ANKIB1: variants seen among roughly 807,000 people sequenced by gnomAD.
ANKIB1 encodes ankyrin repeat and IBR domain-containing protein 1.
ANKIB1 carries 43 observed loss-of-function variants against 122.1 expected under a neutral mutation model. The ratio of observed to expected loss-of-function variants is 0.35; its 90% CI spans 0.28 to 0.45. ANKIB1 has a LOEUF of 0.45. Among genes scored for constraint, ANKIB1 ranks in the 20% least tolerant of loss-of-function variants. The pLI is 1.00. For missense variants in ANKIB1, 992 were observed against 1,329.5 expected, an observed-to-expected ratio of 0.75 and a Z score of 3.95; for synonymous variants, 390 against 442.0, an observed-to-expected ratio of 0.88 and a Z score of 1.48.
rs372686472 is a variant in ANKIB1, at chr7:92,254,197, G to A, written c.-91+7678G>A. Among the ~76,000 whole-genome samples, 4 of 152,294 alleles carry A rather than the reference G, an allele frequency of 2.6e-5. 1 individual carries two copies. ...ACAGGAACCAGAGATGAAAACAGCA[G>A]AGAAACTGCTAGCCAACCTACAGAG... On this transcript the variant is annotated intron_variant, in intron 1 of 19. Transcript: ENST00000265742.
At chr7:92,303,530 C>T (rs1802494830) in intron 2 of ANKIB1, among the ~76,000 whole-genome samples, 1 of 152,028 alleles carries the variant, frequency 6.6e-6, no homozygotes, top group African/African-American at 2.4e-5. Flanking sequence ...AGTGGATGGA[C>T]TCTCTGAAAG....
At chr7:92,283,727 A>C (rs1802056446) in intron 1 of ANKIB1, among the ~76,000 whole-genome samples, 3 of 152,184 alleles carry the variant, frequency 2.0e-5, no homozygotes, top group Non-Finnish European at 4.4e-5. Context: ...TTATTTTTTA[A>C]ATAAATTTAA....
chr7:92,342,885 C>G (rs1585116855), intron 5 of ANKIB1, 139 bp from the exon 6 acceptor site: 4 of 676,602 alleles, frequency 5.9e-6, no homozygotes, highest in East Asian at 5.4e-5. Context: ...CCTAGACATT[C>G]ATTTGCAGTT....
chr7:92,309,950 T>C (rs1345159416), intron 3 of ANKIB1, among the ~76,000 whole-genome samples: 2 of 129,710 alleles, frequency 1.5e-5, no homozygotes, highest in African/African-American at 5.7e-5. Context: ...AAAATATATA[T>C]ATATATATAT....
chr7:92,390,055 A>G lies in ANKIB1; in HGVS notation c.1991A>G (p.Tyr664Cys), dbSNP rs768832891. ...ACTCGGCGCATTCTCAAGTGTTCTTATCCATATGGATTTTTCTTGGAACCT... is the reference window on the plus strand; with the variant it reads ...ACTCGGCGCATTCTCAAGTGTTCTTGTCCATATGGATTTTTCTTGGAACCT... ...LKTRRILKCS[Y>C]PYGFFLEPKS... Residue 664 changes from tyrosine (Y) to cysteine (C), a missense_variant, in exon 15 of 20, where the codon TAT (tyrosine) becomes TGT (cysteine). Tyr to Cys is a radical substitution (Grantham distance 194). Transcript: ENST00000265742. 6.2e-7 allele frequency: 1 copy of G among 1,601,094 alleles called. No individual in the cohort carries two copies. Among genetic ancestry groups the G allele is most frequent in the South Asian group, 1.2e-5 (1 of 86,886 alleles).
intron 1 of ANKIB1, among the ~76,000 whole-genome samples, chr7:92,264,753 A>G (rs1801636198): frequency 6.6e-6 from 1 of 152,100 alleles, no homozygotes; most frequent in Non-Finnish European, 1.5e-5. Flanking sequence ...TAATGTGCCA[A>G]AATGCTAGGT....
chr7:92,315,487 A>G (rs1212143904), intron 3 of ANKIB1, among the ~76,000 whole-genome samples: 4 of 152,214 alleles, frequency 2.6e-5, no homozygotes, highest in African/African-American at 7.2e-5. Context: ...AGATAAAATA[A>G]CAGAGTTAAA....
intron 1 of ANKIB1, among the ~76,000 whole-genome samples, chr7:92,272,107 G>A (rs1036972052): frequency 1.3e-5 from 2 of 152,116 alleles, no homozygotes; most frequent in Non-Finnish European, 2.9e-5. Context: ...GGTGATGGTT[G>A]CACAACAATG....
chr7:92,383,473 A>C (rs543396863), intron 11 of ANKIB1, among the ~76,000 whole-genome samples: 1 of 152,240 alleles, frequency 6.6e-6, no homozygotes, highest in Non-Finnish European at 1.5e-5. Context: ...CCTGATGAAC[A>C]TTGATGCAAA....
intron 17 of ANKIB1, among the ~76,000 whole-genome samples, chr7:92,393,805 A>T (rs2115717545): frequency 6.6e-6 from 1 of 152,282 alleles, no homozygotes; most frequent in Non-Finnish European, 1.5e-5. Flanking sequence ...GATATAAAGA[A>T]TTACTGCACA....
At chr7:92,307,239 A>G (rs1425079076) in intron 2 of ANKIB1, 120 bp from the exon 3 acceptor site, 1 of 1,005,230 alleles carries the variant, frequency 9.9e-7, no homozygotes, top group African/African-American at 1.6e-5. Flanking sequence ...GACCCTCAGT[A>G]TAAATTGGAT....
intron 3 of ANKIB1, among the ~76,000 whole-genome samples, chr7:92,317,551 C>T (rs1802818327): frequency 6.6e-6 from 1 of 152,146 alleles, no homozygotes; most frequent in South Asian, 2.1e-4. Flanking sequence ...GGCCATAGGT[C>T]TATATTTCAT....
chr7:92,271,499 A>G (rs1421912279), intron 1 of ANKIB1, among the ~76,000 whole-genome samples: 1 of 152,198 alleles, frequency 6.6e-6, no homozygotes, highest in Non-Finnish European at 1.5e-5. Flanking sequence ...AATTCTTGCC[A>G]GGAGTTTGAT....
At chr7:92,382,808 C>G (rs1273221383) in intron 11 of ANKIB1, among the ~76,000 whole-genome samples, 2 of 151,844 alleles carry the variant, frequency 1.3e-5, no homozygotes, top group African/African-American at 4.8e-5. Flanking sequence ...AAATTGACAC[C>G]CTAACATCAC....
intron 11 of ANKIB1, among the ~76,000 whole-genome samples, chr7:92,378,387 C>G (rs1585133800): frequency 6.8e-6 from 1 of 147,216 alleles, no homozygotes; most frequent in Admixed American, 7.0e-5. Flanking sequence ...AAGAATGGTT[C>G]AGTATTAGGA....
chr7:92,353,913 G>A (rs1415861271), intron 9 of ANKIB1, among the ~76,000 whole-genome samples: 2 of 152,200 alleles, frequency 1.3e-5, no homozygotes, highest in African/African-American at 4.8e-5. Context: ...ATTAGTTGGA[G>A]AAGCTATGAA....
chr7:92,387,682 C>A, intron 12 of ANKIB1, 116 bp from the exon 13 acceptor site: 2 of 678,204 alleles, frequency 2.9e-6, no homozygotes, highest in African/African-American at 1.9e-5. Context: ...AAATAATTCG[C>A]AAATCTGAAT....
At chr7:92,394,446 C>T (rs1170009942) in intron 17 of ANKIB1, among the ~76,000 whole-genome samples, 3 of 152,188 alleles carry the variant, frequency 2.0e-5, no homozygotes, top group Non-Finnish European at 4.4e-5. Flanking sequence ...AGAATGCCAT[C>T]TGAGAGTTTT....
rs1011563493 is a variant in ANKIB1, at chr7:92,391,186, T to A, written c.2073T>A (p.Thr691=). ...TATAGACAGACCTAGAAATGGTCAC[T>A]GAAGACCTTGCCCAGAAAGTCAATA... is the stretch of plus-strand genomic sequence containing the variant. ...ELMQTDLEMV[T]EDLAQKVNRP... The change falls in exon 16 of 20, where the codon ACT becomes ACA. Residue 691 remains threonine (T), a synonymous_variant. Transcript: ENST00000265742. 3 of 1,612,582 alleles carry A rather than the reference T, an allele frequency of 1.9e-6. No homozygotes were observed. Among genetic ancestry groups the A allele is most frequent in the Non-Finnish European group, 2.5e-6 (3 of 1,179,166 alleles).
Sources: allele counts gnomAD v4.1 joint callset (sites outside exome capture counted in the v4.1 genomes callset), GRCh38; gene constraint gnomAD v4.1.1; transcripts MANE v1.5; gene names NCBI Gene and HGNC (gene_info 2026-07-23, HGNC 2026-07-21).